The following ALK variants were observed in gnomAD, a reference collection of about 807,000 sequenced individuals.
ALK encodes ALK tyrosine kinase receptor.
ALK carries 74 observed loss-of-function variants against 163.1 expected under a neutral mutation model. The observed-to-expected ratio is 0.45, with a 90% confidence interval of 0.38 to 0.55. The LOEUF is 0.55. ALK is among the 20% of genes least tolerant of loss of function. ALK has a pLI of 0.00. For missense variants in ALK, 2,063 were observed against 2,105.3 expected (o/e 0.98, Z 0.39); for synonymous variants, 960 against 843.2 (o/e 1.14, Z -2.40).
intron 1 of ALK, among the ~76,000 whole-genome samples, chr2:29,902,032 T>A (rs891267237): frequency 6.6e-6 from 1 of 152,204 alleles, no homozygotes; most frequent in Non-Finnish European, 1.5e-5. Flanking sequence ...CAAAAAGACA[T>A]GAAATTAAGT....
At chr2:29,539,620 A>ATATC (rs1388950789) in intron 3 of ALK, among the ~76,000 whole-genome samples, 1 of 152,210 alleles carries the variant, frequency 6.6e-6, no homozygotes, top group African/African-American at 2.4e-5. Context: ...AGGGTAGATC[A>ATATC]TATCATTCGA....
chr2:29,754,604 CGCTTGAGTTTGGGA>C, intron 1 of ALK, among the ~76,000 whole-genome samples: 1 of 151,990 alleles, frequency 6.6e-6, no homozygotes, highest in South Asian at 2.1e-4. Flanking sequence ...GTGGGAGGAT[CGCTTGAGTTTGGGA>C]GCTTGCAGCT....
chr2:29,795,177 GACACACAC>G (rs112686547), intron 1 of ALK, among the ~76,000 whole-genome samples: 1 of 149,198 alleles, frequency 6.7e-6, no homozygotes, highest in Non-Finnish European at 1.5e-5. Flanking sequence ...AGAAAATTCA[GACACACAC>G]ACACACACAC....
chr2:29,509,265 A>C (rs187828828), intron 4 of ALK, among the ~76,000 whole-genome samples: 2 of 152,210 alleles, frequency 1.3e-5, no homozygotes, highest in East Asian at 3.8e-4. Flanking sequence ...CATCTCTCAC[A>C]GAAGCATCCT....
rs528682878 is a variant in ALK, at chr2:29,601,654, G to C, written c.953-69538C>G. Among the ~76,000 whole-genome samples the C allele has an allele frequency of 4.6e-5, 7 of 152,216 alleles. No individual in the cohort carries two copies. In the South Asian group the frequency reaches 8.3e-4, roughly 18 times the overall value. On this transcript the variant is annotated intron_variant, in intron 3 of 28. Transcript: ENST00000389048. Reference sequence around the variant, plus strand: ...CTCTGAGTGTTCCATAGAGTGAAGTGAGCCGTGGGAAGAGTTCTCTGAAAA... The same window carrying C: ...CTCTGAGTGTTCCATAGAGTGAAGTCAGCCGTGGGAAGAGTTCTCTGAAAA...
intron 3 of ALK, among the ~76,000 whole-genome samples, chr2:29,645,192 A>G (rs1676837349): frequency 6.6e-6 from 1 of 152,188 alleles, no homozygotes; most frequent in African/African-American, 2.4e-5. Flanking sequence ...GAGTTATCAA[A>G]GTGTAAAGGC....
In ALK at chr2:29,919,993, C is replaced by T. The variant is rs1667944200; in HGVS notation, c.667G>A (p.Gly223Ser). 1.2e-6 allele frequency: 2 copies of T among 1,613,396 alleles called. No homozygotes were observed. The highest frequency in any genetic ancestry group is 1.7e-6 in the Non-Finnish European group (2 of 1,179,586). The change falls in exon 1 of 29, where the codon GGT (glycine) becomes AGT (serine). Residue 223 changes from glycine (G) to serine (S), a missense_variant and splice_region_variant. Around this residue, in one of 5 missense-constraint regions of ALK, gnomAD observed 987 missense variants for 939.5 expected, o/e 1.05. Transcript: ENST00000389048. The stretch of plus-strand genomic sequence containing the variant: ...GCACACTCAGGCGGGAGCTGCTCAC[C>T]AGTCCCGAAGATCTGGAAGAGAAGG... ...PRLLFQIFGT[G>S]HSSLESPTNM... is the part of the protein sequence containing the mutation.
At chr2:29,592,127 G>A (rs576503277) in intron 3 of ALK, among the ~76,000 whole-genome samples, 1 of 152,276 alleles carries the variant, frequency 6.6e-6, no homozygotes. Flanking sequence ...GCAGGACCCT[G>A]AGTCGCCAGC....
At chr2:29,797,844 C>T (rs956985282) in intron 1 of ALK, among the ~76,000 whole-genome samples, 6 of 151,610 alleles carry the variant, frequency 4.0e-5, no homozygotes, top group Admixed American at 1.3e-4. Flanking sequence ...AAGCACTATA[C>T]CTGTTTATTC....
chr2:29,839,140 T>G (rs532308465), intron 1 of ALK, among the ~76,000 whole-genome samples: 4 of 152,160 alleles, frequency 2.6e-5, no homozygotes, highest in African/African-American at 7.2e-5. Context: ...ATTGGTCCCA[T>G]TGAAAACCAT....
At chr2:29,587,207 T>C (rs1428320932) in intron 3 of ALK, among the ~76,000 whole-genome samples, 5 of 152,372 alleles carry the variant, frequency 3.3e-5, no homozygotes, top group South Asian at 4.1e-4. Context: ...ACCAAGTCCC[T>C]GGTCTTCTGG....
intron 3 of ALK, among the ~76,000 whole-genome samples, chr2:29,551,256 CATAAG>C: frequency 6.6e-6 from 1 of 152,206 alleles, no homozygotes; most frequent in East Asian, 1.9e-4. Flanking sequence ...ATGTTCAATA[CATAAG>C]ATTAGTTATG....
At chr2:29,633,871 A>T (rs11691221) in intron 3 of ALK, among the ~76,000 whole-genome samples, 96,723 of 151,966 alleles carry the variant, frequency 0.64, 31,758 homozygotes, top group Middle Eastern at 0.73. Context: ...ACCAATATGA[A>T]ATAGGTAATT....
intron 3 of ALK, among the ~76,000 whole-genome samples, chr2:29,593,473 C>A (rs771774846): frequency 6.6e-6 from 1 of 152,244 alleles, no homozygotes; most frequent in Non-Finnish European, 1.5e-5. Context: ...CCCTTTCATT[C>A]TATACCCTGT....
chr2:29,920,670 G>A lies in ALK; in HGVS notation c.-11C>T, dbSNP rs2148444232. 3.3e-6 allele frequency: 5 copies of A among 1,534,180 alleles called. No individual in the cohort carries two copies. The highest frequency in any genetic ancestry group is 2.4e-5 in the South Asian group (2 of 83,984). On this transcript the variant is annotated 5_prime_UTR_variant, in exon 1 of 29. Coordinates refer to ENST00000389048, the MANE Select transcript of ALK (RefSeq NM_004304.5). ...CCCGATGGCTCCCATCCCGCCGGAGGAGGCCGTTTACACTGCTCTCCGGGC... is the reference window on the plus strand; with the variant it reads ...CCCGATGGCTCCCATCCCGCCGGAGAAGGCCGTTTACACTGCTCTCCGGGC...
intron 1 of ALK, among the ~76,000 whole-genome samples, chr2:29,865,774 T>C (rs1437058606): frequency 2.0e-5 from 3 of 152,220 alleles, no homozygotes; most frequent in Admixed American, 6.5e-5. Context: ...GGAAGTCACC[T>C]AACATTCTGC....
intron 2 of ALK, among the ~76,000 whole-genome samples, chr2:29,696,738 A>G (rs1169634689): frequency 6.6e-6 from 1 of 151,896 alleles, no homozygotes; most frequent in Non-Finnish European, 1.5e-5. Flanking sequence ...TCGTATGAAG[A>G]GCATGTTCCT....
chr2:29,496,975 T>C (rs868612389), intron 4 of ALK, among the ~76,000 whole-genome samples: 3 of 152,202 alleles, frequency 2.0e-5, no homozygotes, highest in Admixed American at 1.3e-4. Context: ...TTCACCATCT[T>C]AAAATCCTGA....
intron 1 of ALK, among the ~76,000 whole-genome samples, chr2:29,863,041 T>A (rs558445922): frequency 2.0e-5 from 3 of 152,272 alleles, no homozygotes; most frequent in Middle Eastern, 3.4e-3. Context: ...AGAAAGAGCA[T>A]TGGGAAAACT....
Sources: gnomAD v4.1 joint callset for allele counts (sites outside exome capture counted in the v4.1 genomes callset) on GRCh38, gnomAD v4.1.1 for gene constraint, gnomAD v4.1.1 regional missense constraint, MANE v1.5 for transcripts, NCBI Gene and HGNC (gene_info 2026-07-23, HGNC 2026-07-21) for gene names.